COL25A1: variants seen among roughly 807,000 people sequenced by gnomAD.
The protein encoded by COL25A1 is collagen alpha-1(XXV) chain.
COL25A1 carries 103 observed loss-of-function variants against 128.4 expected under a neutral mutation model. The ratio of observed to expected loss-of-function variants is 0.80; its 90% confidence interval spans 0.68 to 0.94. The LOEUF (loss-of-function observed/expected upper bound fraction) is 0.94. Ranked by LOEUF, COL25A1 falls within the 40% of genes least tolerant of loss-of-function variation. COL25A1 has a pLI of 0.00. For synonymous variants in COL25A1, 279 were observed against 277.2 expected, an observed-to-expected ratio of 1.01 and a Z score of -0.06; for missense variants, 745 against 840.0, an observed-to-expected ratio of 0.89 and a Z score of 1.40.
chr4:108,990,127 G>A lies in COL25A1; in HGVS notation c.439-15568C>T, dbSNP rs1178964352. 3.3e-4 allele frequency among the ~76,000 whole-genome samples: 48 copies of A among 144,356 alleles called. 1 individual carries two copies. Among genetic ancestry groups the A allele is most frequent in the Non-Finnish European group, 3.0e-4 (20 of 66,942 alleles). The allele number at this position is 144,356 out of a possible 152,430, so 94.7% of individuals were successfully genotyped here. On this transcript the variant is annotated intron_variant, in intron 6 of 37. Coordinates refer to ENST00000399132, the MANE Select transcript of COL25A1 (RefSeq NM_198721.4). ...CTCAGAAGGCTGAGACAGGAGAATC[G>A]CTTGAATCCGGGAGGCAGAGGTTGC...
intron 3 of COL25A1, among the ~76,000 whole-genome samples, chr4:109,263,745 T>C (rs540047144): frequency 3.1e-4 from 47 of 152,304 alleles, no homozygotes; most frequent in Non-Finnish European, 5.4e-4. Context: ...GGCCCTCTGC[T>C]CTCTACTACT....
At chr4:108,927,081 CT>C (rs1480573014) in intron 11 of COL25A1, among the ~76,000 whole-genome samples, 1 of 152,112 alleles carries the variant, frequency 6.6e-6, no homozygotes, top group Admixed American at 6.6e-5. Flanking sequence ...TTCAGTCACA[CT>C]TCATCATTTA....
At chr4:108,838,577 T>C (rs1190729319) in intron 31 of COL25A1, among the ~76,000 whole-genome samples, 1 of 152,212 alleles carries the variant, frequency 6.6e-6, no homozygotes, top group Non-Finnish European at 1.5e-5. Flanking sequence ...AACTGGAATA[T>C]GCAGGACAGG....
chr4:109,258,245 T>C (rs1781203898), intron 3 of COL25A1, among the ~76,000 whole-genome samples: 1 of 152,238 alleles, frequency 6.6e-6, no homozygotes, highest in Admixed American at 6.5e-5. Context: ...TACACTTCTG[T>C]GCAGAAATCA....
intron 3 of COL25A1, among the ~76,000 whole-genome samples, chr4:109,290,528 A>G (rs1401500460): frequency 1.3e-5 from 2 of 152,252 alleles, no homozygotes; most frequent in African/African-American, 4.8e-5. Flanking sequence ...GTATGGTAGT[A>G]CTAAGTCACA....
At chr4:108,976,537 T>C (rs1412239459) in intron 6 of COL25A1, among the ~76,000 whole-genome samples, 8 of 152,330 alleles carry the variant, frequency 5.3e-5, no homozygotes, top group Non-Finnish European at 1.2e-4. Context: ...GATAAAGTCA[T>C]GTTTTGGTTT....
At chr4:109,217,060 C>T (rs1038412625) in intron 3 of COL25A1, among the ~76,000 whole-genome samples, 4 of 152,066 alleles carry the variant, frequency 2.6e-5, no homozygotes, top group Non-Finnish European at 5.9e-5. Flanking sequence ...TACTTAATCT[C>T]TCTTTTCTTA....
At chr4:109,092,624 C>T (rs1408625985) in intron 3 of COL25A1, among the ~76,000 whole-genome samples, 1 of 152,194 alleles carries the variant, frequency 6.6e-6, no homozygotes, top group Non-Finnish European at 1.5e-5. Flanking sequence ...TTCTAAGGTA[C>T]TTGTACTAAA....
intron 3 of COL25A1, among the ~76,000 whole-genome samples, chr4:109,138,266 T>C (rs1249195545): frequency 6.6e-6 from 1 of 152,178 alleles, no homozygotes; most frequent in Non-Finnish European, 1.5e-5. Flanking sequence ...GTTAGTTTGC[T>C]GAGAATGATG....
At chr4:109,096,154 T>C (rs1309963206) in intron 3 of COL25A1, among the ~76,000 whole-genome samples, 2 of 152,196 alleles carry the variant, frequency 1.3e-5, no homozygotes, top group Non-Finnish European at 2.9e-5. Flanking sequence ...AGCAAAATAA[T>C]GTATTGCCTG....
intron 13 of COL25A1, among the ~76,000 whole-genome samples, chr4:108,916,493 T>C (rs1323640544): frequency 6.6e-6 from 1 of 152,204 alleles, no homozygotes; most frequent in Non-Finnish European, 1.5e-5. Context: ...TAAAAGTTTC[T>C]ATAAATTTTC....
intron 3 of COL25A1, among the ~76,000 whole-genome samples, chr4:109,167,446 C>A (rs1200579183): frequency 3.3e-5 from 5 of 151,904 alleles, no homozygotes; most frequent in African/African-American, 1.2e-4. Flanking sequence ...AATGAATGAA[C>A]AATAAGTTTG....
chr4:109,230,953 A>G (rs1430545031), intron 3 of COL25A1, among the ~76,000 whole-genome samples: 1 of 152,152 alleles, frequency 6.6e-6, no homozygotes, highest in East Asian at 1.9e-4. Context: ...ATGCTGGCCA[A>G]CATGGTGAAA....
At chr4:108,913,623 T>C (rs1457497247) in intron 13 of COL25A1, among the ~76,000 whole-genome samples, 1 of 152,176 alleles carries the variant, frequency 6.6e-6, no homozygotes, top group Admixed American at 6.6e-5. Flanking sequence ...TAAATTGTCA[T>C]AGTGATTATT....
chr4:108,888,774 A>T (rs1227929694), intron 18 of COL25A1, among the ~76,000 whole-genome samples: 2 of 152,208 alleles, frequency 1.3e-5, no homozygotes, highest in Non-Finnish European at 2.9e-5. Flanking sequence ...CAATGATAGG[A>T]AAAGGAATAT....
chr4:108,941,016 G>C (rs1344476390), intron 9 of COL25A1, among the ~76,000 whole-genome samples: 1 of 152,162 alleles, frequency 6.6e-6, no homozygotes, highest in African/African-American at 2.4e-5. Context: ...TTTATAGTTA[G>C]ACAAATGTGT....
At chr4:109,158,494 A>C (rs1333845309) in intron 3 of COL25A1, among the ~76,000 whole-genome samples, 1 of 152,234 alleles carries the variant, frequency 6.6e-6, no homozygotes, top group Admixed American at 6.5e-5. Flanking sequence ...CATAAAAGGC[A>C]AATAAGATGT....
chr4:109,084,626 T>G (rs1764196279), intron 3 of COL25A1, among the ~76,000 whole-genome samples: 1 of 152,226 alleles, frequency 6.6e-6, no homozygotes, highest in African/African-American at 2.4e-5. Flanking sequence ...TTGTATGTTA[T>G]TATACAAGCA....
intron 3 of COL25A1, among the ~76,000 whole-genome samples, chr4:109,071,951 T>A (rs1763004509): frequency 6.6e-6 from 1 of 152,250 alleles, no homozygotes; most frequent in Non-Finnish European, 1.5e-5. Context: ...TTACTGGGTA[T>A]ATACCCAAAG....
Sources: gnomAD v4.1 joint callset for allele counts (sites outside exome capture counted in the v4.1 genomes callset) on GRCh38, gnomAD v4.1.1 for gene constraint, MANE v1.5 for transcripts, NCBI Gene and HGNC (gene_info 2026-07-23, HGNC 2026-07-21) for gene names.